Variants in RAB10 observed in about 807,000 individuals in gnomAD.
The protein encoded by RAB10 is RAB10, member RAS oncogene family.
Under a neutral mutation model 25.7 loss-of-function variants are expected in RAB10, and 5 were observed. The observed-to-expected ratio is 0.19, with a 90% CI of 0.10 to 0.41. The LOEUF is 0.41. RAB10 is among the 10% of genes least tolerant of loss of function. RAB10 has a pLI of 1.00. For synonymous variants in RAB10, 89 were observed against 86.4 expected, an observed-to-expected ratio of 1.03 and a Z score of -0.16; for missense variants, 103 against 245.8, an observed-to-expected ratio of 0.42 and a Z score of 3.89.
chr2:26,089,883 C>CTTTTTGTT (rs765607082), intron 1 of RAB10, among the ~76,000 whole-genome samples: 3 of 152,048 alleles, frequency 2.0e-5, no homozygotes, highest in South Asian at 2.1e-4. Flanking sequence ...TTTCGGACAA[C>CTTTTTGTT]TTTTTGTTTT....
intron 5 of RAB10, among the ~76,000 whole-genome samples, chr2:26,128,983 C>T (rs980201870): frequency 6.6e-6 from 1 of 152,138 alleles, no homozygotes; most frequent in African/African-American, 2.4e-5. Context: ...TAAAATCTGA[C>T]ATACATTGGC....
intron 2 of RAB10, among the ~76,000 whole-genome samples, chr2:26,099,532 GTTTTTTTTTTTTT>G (rs70950167): frequency 4.1e-5 from 3 of 73,338 alleles, no homozygotes; most frequent in South Asian, 6.0e-4. Context: ...GTTTTTTTGG[GTTTTTTTTTTTTT>G]TTTTTTTTTT....
chr2:26,048,030 C>T (rs866405051), intron 1 of RAB10, among the ~76,000 whole-genome samples: 51 of 151,478 alleles, frequency 3.4e-4, no homozygotes, highest in African/African-American at 9.7e-4. Flanking sequence ...CCGTGCCGGG[C>T]CCATTAGTTT....
In RAB10 at chr2:26,113,079, C is replaced by A. The variant is rs991514854; in HGVS notation, c.327+3173C>A. 3.3e-5 allele frequency among the ~76,000 whole-genome samples: 5 copies of A among 151,878 alleles called. No homozygotes were observed. In the East Asian group the frequency reaches 9.7e-4, roughly 29 times the overall value. On this transcript the variant is annotated intron_variant, in intron 3 of 5. Transcript: ENST00000264710. The stretch of plus-strand genomic sequence containing the variant: ...CATCCTGGGCAGCAGAGTGCAACTC[C>A]GTCTCAAAAAGAAAGAAAGAGGAAA...
intron 1 of RAB10, among the ~76,000 whole-genome samples, chr2:26,075,509 AAAG>A (rs1666714167): frequency 6.6e-6 from 1 of 152,232 alleles, no homozygotes; most frequent in Non-Finnish European, 1.5e-5. Flanking sequence ...CTGATTAAAA[AAAG>A]CTCAAGAACA....
chr2:26,100,357 T>C (rs1014639168), intron 2 of RAB10, among the ~76,000 whole-genome samples: 2 of 152,192 alleles, frequency 1.3e-5, no homozygotes, highest in African/African-American at 2.4e-5. Flanking sequence ...TCCCTGACAG[T>C]CTACTTAGTA....
chr2:26,054,938 G>A (rs1666222104), intron 1 of RAB10, among the ~76,000 whole-genome samples: 1 of 151,624 alleles, frequency 6.6e-6, no homozygotes, highest in Non-Finnish European at 1.5e-5. Context: ...CTGAGATCAC[G>A]TCACTGCACT....
At chr2:26,068,591 A>T (rs543219217) in intron 1 of RAB10, among the ~76,000 whole-genome samples, 1 of 152,290 alleles carries the variant, frequency 6.6e-6, no homozygotes, top group Non-Finnish European at 1.5e-5. Context: ...AATACATCAG[A>T]CAATCCTGAG....
At chr2:26,033,952 C>G (rs1381960649), upstream of RAB10, among the ~76,000 whole-genome samples, 1 of 152,224 alleles carries the variant, frequency 6.6e-6, no homozygotes, top group Non-Finnish European at 1.5e-5. Context: ...GGTCCAGCCT[C>G]AGACTGAGGC....
At chr2:26,088,267 A>G (rs1667028802) in intron 1 of RAB10, among the ~76,000 whole-genome samples, 1 of 152,232 alleles carries the variant, frequency 6.6e-6, no homozygotes, top group Admixed American at 6.5e-5. Context: ...TGCTTCTGCA[A>G]CATCATTAAG....
chr2:26,046,452 T>G (rs1666005640), intron 1 of RAB10, among the ~76,000 whole-genome samples: 1 of 152,180 alleles, frequency 6.6e-6, no homozygotes, highest in Non-Finnish European at 1.5e-5. Context: ...TGCAGTGTAT[T>G]TTGGGTTGCA....
At chr2:26,117,644 A>G (rs1667721171) in intron 3 of RAB10, among the ~76,000 whole-genome samples, 1 of 150,040 alleles carries the variant, frequency 6.7e-6, no homozygotes, top group South Asian at 2.1e-4. Context: ...AACAAAAAAA[A>G]CAAAAGAGTT....
intron 1 of RAB10, among the ~76,000 whole-genome samples, chr2:26,098,143 A>G (rs1413063020): frequency 2.4e-5 from 1 of 41,070 alleles, no homozygotes; most frequent in South Asian, 6.2e-4. Context: ...TTTTTGAGAC[A>G]TGGTCTTGTT....
intron 1 of RAB10, among the ~76,000 whole-genome samples, chr2:26,074,011 G>C (rs915044582): frequency 6.6e-6 from 1 of 152,174 alleles, no homozygotes. Context: ...GGAGTGCTGT[G>C]AAAAACTGGC....
At chr2:26,048,037 G>GTT (rs61183627) in intron 1 of RAB10, among the ~76,000 whole-genome samples, 2,103 of 134,632 alleles carry the variant, frequency 0.016, 31 homozygotes, top group South Asian at 0.043. Context: ...GGGCCCATTA[G>GTT]TTTTTTTTTT....
intron 1 of RAB10, among the ~76,000 whole-genome samples, chr2:26,061,092 C>CTTTTT (rs5829993): frequency 4.6e-3 from 388 of 83,602 alleles, no homozygotes; most frequent in South Asian, 7.4e-3. Flanking sequence ...TTATCTCTGT[C>CTTTTT]TTTTTTTTTT....
At chr2:26,081,782 A>T (rs77925577) in intron 1 of RAB10, among the ~76,000 whole-genome samples, 1 of 152,364 alleles carries the variant, frequency 6.6e-6, no homozygotes, top group South Asian at 2.1e-4. Flanking sequence ...AAAGGAAACA[A>T]TGTAAGCCGC....
chr2:26,125,491 G>A (rs1667886852), intron 3 of RAB10, among the ~76,000 whole-genome samples: 1 of 144,830 alleles, frequency 6.9e-6, no homozygotes, highest in Non-Finnish European at 1.5e-5. Flanking sequence ...CTGTTCCCCA[G>A]GCTGGAGTAC....
At chr2:26,040,555 G>A (rs1302207901) in intron 1 of RAB10, among the ~76,000 whole-genome samples, 1 of 152,070 alleles carries the variant, frequency 6.6e-6, no homozygotes, top group South Asian at 2.1e-4. Context: ...CTACAGGGGA[G>A]GCTGAGGTGG....
Sources: gnomAD v4.1 joint callset for allele counts (sites outside exome capture counted in the v4.1 genomes callset) on GRCh38, gnomAD v4.1.1 for gene constraint, MANE v1.5 for transcripts, NCBI Gene and HGNC (gene_info 2026-07-23, HGNC 2026-07-21) for gene names.